PPP1R1C: variants seen among roughly 807,000 people sequenced by gnomAD.
PPP1R1C encodes protein phosphatase 1 regulatory subunit 1C.
PPP1R1C carries 15 observed loss-of-function variants against 17.4 expected under a neutral mutation model. The observed-to-expected ratio is 0.86, with a 90% confidence interval of 0.58 to 1.33. PPP1R1C has a LOEUF of 1.33. PPP1R1C is among the 40% of genes most tolerant of loss of function. PPP1R1C has a pLI of 0.00. For missense variants in PPP1R1C, 143 were observed against 130.0 expected, an observed-to-expected ratio of 1.10 and a Z score of -0.48; for synonymous variants, 35 against 43.1, an observed-to-expected ratio of 0.81 and a Z score of 0.73.
At chr2:181,954,625 C>A (rs1372840569) in exon 1 of PPP1R1C, 1 of 152,158 alleles carries the variant, frequency 6.6e-6, no homozygotes, top group Admixed American at 6.5e-5. Context: ...ATCATCACAA[C>A]TGACAAAAGG....
intron 5 of PPP1R1C, among the ~76,000 whole-genome samples, chr2:182,125,193 G>C (rs1425893643): frequency 1.3e-5 from 2 of 152,078 alleles, no homozygotes; most frequent in Non-Finnish European, 2.9e-5. Context: ...TTATGTGATG[G>C]ATGATGTTTA....
At chr2:181,999,256 TC>T (rs1212144834) in intron 2 of PPP1R1C, among the ~76,000 whole-genome samples, 2 of 152,150 alleles carry the variant, frequency 1.3e-5, no homozygotes, top group Admixed American at 6.5e-5. Flanking sequence ...ACATACCAAC[TC>T]AAAAGCAAAT....
chr2:182,085,636 A>G lies in PPP1R1C; in HGVS notation c.241+21845A>G, dbSNP rs150125542. The stretch of plus-strand genomic sequence containing the variant: ...GCTTTTCACACTAAAAACAAACCCT[A>G]AAGAATTTGCTGCATGTAATGTTTT... On this transcript the variant is annotated intron_variant, in intron 4 of 4. Coordinates refer to ENST00000682840, the MANE Select transcript of PPP1R1C (RefSeq NM_001080545.3). Among the ~76,000 whole-genome samples the G allele has an allele frequency of 7.9e-3, 1,198 of 152,228 alleles. 20 individuals carry two copies. The highest frequency in any genetic ancestry group is 0.027 in the African/African-American group (1,123 of 41,560).
chr2:181,962,068 C>A lies in PPP1R1C; in HGVS notation n.111+7434C>A. ...CCACAGTATTTGCGAAGATCTGAAC[C>A]CTCAGGTCCTCGATGGTCTTGAGGT... On this transcript the variant is annotated intron_variant and non_coding_transcript_variant, in intron 1 of 5. Transcript: ENST00000464264. The surrounding 1 kb of genome is among the most constrained non-coding windows in gnomAD (Gnocchi z 6.0). The A allele has an allele frequency of 1.4e-6, 1 of 722,142 alleles. No homozygotes were observed. Among genetic ancestry groups the A allele is most frequent in the Non-Finnish European group, 2.6e-6 (1 of 390,488 alleles). The allele number at this position is 722,142 out of a possible 1,614,324, so 44.7% of individuals were successfully genotyped here.
chr2:182,125,017 T>C (rs188772247), intron 5 of PPP1R1C, among the ~76,000 whole-genome samples: 1 of 152,312 alleles, frequency 6.6e-6, no homozygotes, highest in Non-Finnish European at 1.5e-5. Context: ...CCATTCAGTA[T>C]GATATTGGCT....
At chr2:182,008,095 AT>A (rs759479310) in intron 2 of PPP1R1C, among the ~76,000 whole-genome samples, 11 of 118,462 alleles carry the variant, frequency 9.3e-5, no homozygotes, top group South Asian at 2.5e-4. Context: ...AAATAAAAAA[AT>A]AAAATAAAAT....
chr2:182,046,133 C>CTTCCTTCT (rs1687340538), intron 2 of PPP1R1C, among the ~76,000 whole-genome samples: 1 of 149,332 alleles, frequency 6.7e-6, no homozygotes, highest in South Asian at 2.1e-4. Context: ...TCCTTCCTTC[C>CTTCCTTCT]TTCCTTCTTC....
At chr2:182,005,098 G>T (rs1685878487) in intron 2 of PPP1R1C, among the ~76,000 whole-genome samples, 1 of 152,144 alleles carries the variant, frequency 6.6e-6, no homozygotes, top group South Asian at 2.1e-4. Flanking sequence ...TGTTTTTAGA[G>T]TAAGCACAAT....
At chr2:182,081,980 T>C (rs1307709840) in intron 4 of PPP1R1C, among the ~76,000 whole-genome samples, 1 of 152,320 alleles carries the variant, frequency 6.6e-6, no homozygotes, top group East Asian at 1.9e-4. Flanking sequence ...TACCTCCCTA[T>C]GCCTATTTTT....
At chr2:182,022,116 TACTTA>T (rs1471845183) in intron 2 of PPP1R1C, among the ~76,000 whole-genome samples, 1 of 152,094 alleles carries the variant, frequency 6.6e-6, no homozygotes, top group African/African-American at 2.4e-5. Context: ...ACCTAGTGTT[TACTTA>T]ACTTGTGCTA....
chr2:181,977,117 G>C (rs1417236194), intron 2 of PPP1R1C, among the ~76,000 whole-genome samples: 1 of 94,754 alleles, frequency 1.1e-5, no homozygotes, highest in African/African-American at 4.0e-5. Context: ...CTGGGCAACA[G>C]AGTGAGAATC....
intron 4 of PPP1R1C, among the ~76,000 whole-genome samples, chr2:182,096,725 T>C (rs1223161686): frequency 1.3e-5 from 2 of 152,118 alleles, no homozygotes; most frequent in Non-Finnish European, 2.9e-5. Context: ...ACAGTGAGAG[T>C]GAAGGCCATA....
chr2:181,984,082 T>C (rs1685244864), upstream of PPP1R1C, among the ~76,000 whole-genome samples: 1 of 152,234 alleles, frequency 6.6e-6, no homozygotes, highest in Non-Finnish European at 1.5e-5. Context: ...TCCAAGTAGA[T>C]AGATATTCTT....
intron 2 of PPP1R1C, among the ~76,000 whole-genome samples, chr2:182,038,766 A>G (rs963555018): frequency 1.3e-5 from 2 of 152,174 alleles, no homozygotes; most frequent in Non-Finnish European, 2.9e-5. Flanking sequence ...ACATTAAGAG[A>G]GCTATGACAC....
intron 4 of PPP1R1C, among the ~76,000 whole-genome samples, chr2:182,112,948 T>C (rs1445359130): frequency 6.6e-6 from 1 of 152,230 alleles, no homozygotes; most frequent in East Asian, 1.9e-4. Context: ...TGGGCCATTA[T>C]ATCATTTGAC....
intron 4 of PPP1R1C, among the ~76,000 whole-genome samples, chr2:182,103,168 A>G (rs879734606): frequency 9.2e-5 from 14 of 152,172 alleles, no homozygotes; most frequent in Non-Finnish European, 1.5e-4. Context: ...TGATTTTGTT[A>G]TTTAAAAAAA....
chr2:182,104,942 A>G (rs1204143922), intron 4 of PPP1R1C, among the ~76,000 whole-genome samples: 1 of 152,148 alleles, frequency 6.6e-6, no homozygotes, highest in East Asian at 1.9e-4. Context: ...CTTACTTGTT[A>G]TTAATCTGTT....
chr2:181,968,046 A>T (rs949723113), intron 1 of PPP1R1C, among the ~76,000 whole-genome samples: 31 of 152,196 alleles, frequency 2.0e-4, no homozygotes, highest in Admixed American at 6.5e-5. Context: ...CTCCATTGTG[A>T]TCAGAGAAAA....
In PPP1R1C at chr2:181,976,662, G is replaced by C. The variant is rs749465858; in HGVS notation, n.157+1398G>C. Among the ~76,000 whole-genome samples the C allele has an allele frequency of 6.6e-6, 1 of 151,834 alleles. No individual in the cohort carries two copies. Among genetic ancestry groups the C allele is most frequent in the Non-Finnish European group, 1.5e-5 (1 of 67,976 alleles). On this transcript the variant is annotated intron_variant and non_coding_transcript_variant, in intron 2 of 5. Coordinates refer to the PPP1R1C transcript ENST00000464264. This position sits in a 1 kb window ranked among gnomAD's most constrained non-coding sequence, Gnocchi z 4.8. ...TATTCCTCACTCCTCTCTGTCTCTT[G>C]AGTATTTTAAACATCTTTCCCCTCT... is the stretch of plus-strand genomic sequence containing the variant.
Sources: gnomAD v4.1 joint callset for allele counts (sites outside exome capture counted in the v4.1 genomes callset) on GRCh38, gnomAD v4.1.1 for gene constraint, Gnocchi (gnomAD v3.1) non-coding constraint, MANE v1.5 for transcripts, NCBI Gene and HGNC (gene_info 2026-07-23, HGNC 2026-07-21) for gene names.